The following ERC1 variants were observed in gnomAD, a reference collection of about 807,000 sequenced individuals.
ERC1 encodes the protein ELKS/RAB6-interacting/CAST family member 1, also known as RAB6 interacting protein 2.
Under a neutral mutation model 132.0 loss-of-function variants are expected in ERC1, and 56 were observed. That is an observed-to-expected ratio of 0.42 (90% CI 0.34 to 0.53). The LOEUF is 0.53. Ranked by LOEUF, ERC1 falls within the 20% of genes least tolerant of loss-of-function variation. The pLI, the probability that ERC1 is intolerant of heterozygous loss-of-function variation, is 0.03. For missense variants in ERC1, 1,202 were observed against 1,349.9 expected, an observed-to-expected ratio of 0.89 and a Z score of 1.72; for synonymous variants, 478 against 476.1, an observed-to-expected ratio of 1.00 and a Z score of -0.05.
chr12:1,384,177 G>T (rs2089045045), intron 16 of ERC1, among the ~76,000 whole-genome samples: 1 of 152,182 alleles, frequency 6.6e-6, no homozygotes, highest in African/African-American at 2.4e-5. Context: ...AAATTACAGT[G>T]AAAATATATA....
chr12:1,443,941 T>C (rs1021141236), intron 17 of ERC1: 3 of 152,276 alleles, frequency 2.0e-5, no homozygotes, highest in Non-Finnish European at 4.4e-5. Flanking sequence ...TGGTGTTATA[T>C]AGGGATTTAT....
chr12:1,052,787 T>A (rs1467733459), intron 2 of ERC1, among the ~76,000 whole-genome samples: 1 of 152,078 alleles, frequency 6.6e-6, no homozygotes, highest in Non-Finnish European at 1.5e-5. Context: ...CTGGCCAACA[T>A]GGTGAAACCC....
chr12:1,472,134 G>C (rs1313338840), intron 18 of ERC1, among the ~76,000 whole-genome samples: 3 of 152,172 alleles, frequency 2.0e-5, no homozygotes, highest in Non-Finnish European at 4.4e-5. Context: ...CTGAGCTGCA[G>C]GTCGGGGATA....
At position 1,381,744 on chromosome 12, in the gene ERC1, T is replaced by G. The variant is rs540663209; in HGVS notation, c.2925+9767T>G. ...ACTTCTGGAATTGCCTTGCACTTCCTCAGCTCAATCTCCACTTTAAACTTC... is the reference window on the plus strand; with the variant it reads ...ACTTCTGGAATTGCCTTGCACTTCCGCAGCTCAATCTCCACTTTAAACTTC... On this transcript the variant is annotated intron_variant, in intron 16 of 18. Transcript: ENST00000360905. 2.4e-3 allele frequency among the ~76,000 whole-genome samples: 362 copies of G among 152,302 alleles called. 1 individual carries two copies. Among genetic ancestry groups the G allele is most frequent in the Admixed American group, 5.6e-3 (85 of 15,304 alleles).
Position 1,115,943 on chromosome 12 carries a change from A to G in ERC1, c.1479A>G (p.Thr493=). 6.2e-7 allele frequency: 1 copy of G among 1,614,182 alleles called. No homozygotes were observed. The highest frequency in any genetic ancestry group is 8.5e-7 in the Non-Finnish European group (1 of 1,179,998). ...TGCAGACAAAGCTAGAAACACTCAC[A>G]AACCAGTTCTCAGATAGTAAACAGC... ...LALQTKLETL[T]NQFSDSKQHI... The change falls in exon 7 of 19, where the codon ACA becomes ACG. Residue 493 remains threonine (T), a synonymous_variant. Coordinates refer to ENST00000360905, the MANE Select transcript of ERC1 (RefSeq NM_178040.4).
At chr12:1,242,187 CAACGTCATT>C (rs561062535) in intron 13 of ERC1, among the ~76,000 whole-genome samples, 3 of 152,094 alleles carry the variant, frequency 2.0e-5, no homozygotes, top group Non-Finnish European at 2.9e-5. Context: ...AGGTCATCTT[CAACGTCATT>C]AACTTTATCT....
intron 2 of ERC1, among the ~76,000 whole-genome samples, chr12:1,053,921 C>G (rs1972480110): frequency 6.6e-6 from 1 of 152,174 alleles, no homozygotes; most frequent in Non-Finnish European, 1.5e-5. Flanking sequence ...TCTGTTTTGT[C>G]TTGCAGATGA....
chr12:1,007,540 CTGTGTGTGTGTGTG>C (rs10570281), intron 1 of ERC1, among the ~76,000 whole-genome samples: 58,674 of 122,776 alleles, frequency 0.48, 15,524 homozygotes, highest in East Asian at 0.78. Context: ...CTCTCTCTCT[CTGTGTGTGTGTGTG>C]TGTGTGTGTG....
At chr12:1,436,392 G>A (rs989613986) in intron 17 of ERC1, among the ~76,000 whole-genome samples, 1 of 152,128 alleles carries the variant, frequency 6.6e-6, no homozygotes, top group Non-Finnish European at 1.5e-5. Context: ...TCACATCTTT[G>A]ACATGTTCAC....
chr12:1,386,424 G>A (rs1191920715), intron 16 of ERC1, among the ~76,000 whole-genome samples: 2 of 150,272 alleles, frequency 1.3e-5, no homozygotes, highest in Non-Finnish European at 3.0e-5. Context: ...AAGGCAGGCA[G>A]ATCACTTGAG....
chr12:1,218,289 C>T (rs1317104276), intron 12 of ERC1, among the ~76,000 whole-genome samples: 2 of 152,086 alleles, frequency 1.3e-5, no homozygotes, highest in Non-Finnish European at 2.9e-5. Flanking sequence ...ATCCCAGTTG[C>T]CCAACCTAAA....
intron 12 of ERC1, among the ~76,000 whole-genome samples, chr12:1,200,193 T>G (rs942315325): frequency 1.3e-5 from 2 of 152,172 alleles, no homozygotes; most frequent in Admixed American, 6.5e-5. Flanking sequence ...TTCTAAAATG[T>G]GTTGGCAAAC....
intron 1 of ERC1, among the ~76,000 whole-genome samples, chr12:1,021,702 A>C (rs1354384138): frequency 6.6e-6 from 1 of 151,410 alleles, no homozygotes; most frequent in Non-Finnish European, 1.5e-5. Context: ...CCGTCTCAAA[A>C]AAAAAAAAAA....
intron 17 of ERC1, chr12:1,443,626 T>A (rs184754827): frequency 1.3e-5 from 2 of 152,448 alleles, no homozygotes; most frequent in Admixed American, 1.3e-4. Flanking sequence ...AAGCAGGGGC[T>A]GCTCTAATGC....
In ERC1 at chr12:1,127,825, T is replaced by C. The variant is rs148898103; in HGVS notation, c.1569+11792T>C. ...GAAAAAGAGGAAAACAAAACAAGAGTAGAACTTCACATGAATCAACGATAA... is the reference window on the plus strand; with the variant it reads ...GAAAAAGAGGAAAACAAAACAAGAGCAGAACTTCACATGAATCAACGATAA... On this transcript the variant is annotated intron_variant, in intron 7 of 18. Transcript: ENST00000360905. 8.7e-4 allele frequency among the ~76,000 whole-genome samples: 132 copies of C among 151,890 alleles called. 1 individual carries two copies. The highest frequency in any genetic ancestry group is 7.7e-3 in the South Asian group (37 of 4,802).
At chr12:1,095,026 A>T (rs1031907667) in intron 3 of ERC1, among the ~76,000 whole-genome samples, 2 of 152,132 alleles carry the variant, frequency 1.3e-5, no homozygotes, top group Non-Finnish European at 2.9e-5. Flanking sequence ...TTGAAAAAAA[A>T]TTTTCAGACC....
chr12:1,278,017 A>C (rs1175706203), intron 14 of ERC1, among the ~76,000 whole-genome samples: 2 of 152,146 alleles, frequency 1.3e-5, no homozygotes, highest in East Asian at 3.8e-4. Flanking sequence ...CCCCTTTGTT[A>C]TGGTGGCTGG....
chr12:1,084,050 A>G (rs1031385356), intron 3 of ERC1, among the ~76,000 whole-genome samples: 23 of 152,190 alleles, frequency 1.5e-4, no homozygotes, highest in Admixed American at 6.5e-5. Flanking sequence ...TTCCATGGAA[A>G]CTGTTGCCTT....
intron 15 of ERC1, among the ~76,000 whole-genome samples, chr12:1,310,452 GCC>G (rs2081226770): frequency 6.6e-6 from 1 of 152,070 alleles, no homozygotes; most frequent in Non-Finnish European, 1.5e-5. Flanking sequence ...CAGGTGATCT[GCC>G]TGCCTTGGCC....
Sources: gnomAD v4.1 joint callset for allele counts (sites outside exome capture counted in the v4.1 genomes callset) on GRCh38, gnomAD v4.1.1 for gene constraint, MANE v1.5 for transcripts, NCBI Gene and HGNC (gene_info 2026-07-23, HGNC 2026-07-21) for gene names.